The following IMPA2 variants were observed in gnomAD, a reference collection of about 807,000 sequenced individuals.
IMPA2 encodes the protein IMP 2.
A neutral mutation model predicts 35.1 loss-of-function variants in IMPA2; 32 were observed. The observed-to-expected ratio is 0.91, with a 90% CI of 0.69 to 1.23. IMPA2 has a LOEUF of 1.23. Among genes scored for constraint, IMPA2 ranks in the 50% most tolerant of loss-of-function variants. The pLI is 0.00. For synonymous variants in IMPA2, 135 were observed against 160.6 expected (o/e 0.84, Z 1.20); for missense variants, 334 against 387.6 (o/e 0.86, Z 1.16).
At chr18:11,989,137 T>C (rs1906741859) in intron 1 of IMPA2, among the ~76,000 whole-genome samples, 1 of 152,226 alleles carries the variant, frequency 6.6e-6, no homozygotes. Context: ...GAGAGCAGGC[T>C]TGGCCACTGA....
At chr18:11,996,127 G>A (rs1437272494) in intron 1 of IMPA2, among the ~76,000 whole-genome samples, 1 of 152,194 alleles carries the variant, frequency 6.6e-6, no homozygotes, top group Non-Finnish European at 1.5e-5. Flanking sequence ...ATGGGATATG[G>A]TAAGTTGTAG....
At chr18:11,994,024 C>T (rs1235144085) in intron 1 of IMPA2, 1 of 152,206 alleles carries the variant, frequency 6.6e-6, no homozygotes, top group Non-Finnish European at 1.5e-5. Context: ...CAAAGAAAGT[C>T]ATCAGAGAAA....
At chr18:12,005,440 G>A (rs1387744824) in intron 2 of IMPA2, among the ~76,000 whole-genome samples, 1 of 151,744 alleles carries the variant, frequency 6.6e-6, no homozygotes, top group African/African-American at 2.4e-5. Flanking sequence ...AGCCATGATT[G>A]TGCCACTGCA....
intron 5 of IMPA2, among the ~76,000 whole-genome samples, chr18:12,019,420 A>ATTTTTTTTTTTTTTTTTTTT (rs1023606644): frequency 7.5e-6 from 1 of 133,104 alleles, no homozygotes; most frequent in Non-Finnish European, 1.6e-5. Context: ...TGTCCGGCTA[A>ATTTTTTTTTTTTTTTTTTTT]TTTTTTTTTT....
chr18:12,025,520 C>T (rs961159541), intron 5 of IMPA2, among the ~76,000 whole-genome samples: 130 of 152,340 alleles, frequency 8.5e-4, no homozygotes, highest in African/African-American at 2.9e-3. Flanking sequence ...TGCTCCACAT[C>T]CTGGCTGGCA....
chr18:12,003,059 G>A (rs1016921430), intron 2 of IMPA2, among the ~76,000 whole-genome samples: 2 of 151,994 alleles, frequency 1.3e-5, no homozygotes, highest in South Asian at 2.1e-4. Context: ...GCTGGGCATG[G>A]TAGTGCGTGC....
chr18:11,982,579 G>T (rs1453224356), intron 1 of IMPA2, among the ~76,000 whole-genome samples: 2 of 152,148 alleles, frequency 1.3e-5, no homozygotes, highest in Non-Finnish European at 2.9e-5. Context: ...TGGACCACTT[G>T]AGGTCAGGAG....
At position 12,030,408 on chromosome 18, in the gene IMPA2, A is replaced by G. The variant is rs376034152; in HGVS notation, c.817A>G (p.Ile273Val). 5.0e-6 allele frequency: 8 copies of G among 1,614,224 alleles called. No homozygotes were observed. Among genetic ancestry groups the G allele is most frequent in the Non-Finnish European group, 6.8e-6 (8 of 1,180,040 alleles). ...CAGCACCCGGGAGATGGCGATGCTCATAGCTCAGGCCTTACAGACGATTAA... is the reference window on the plus strand; with the variant it reads ...CAGCACCCGGGAGATGGCGATGCTCGTAGCTCAGGCCTTACAGACGATTAA... Reference protein sequence around the residue: ...AASTREMAMLIAQALQTINYG... With the variant: ...AASTREMAMLVAQALQTINYG... Residue 273 changes from isoleucine (I) to valine (V), a missense_variant, in exon 8 of 8, where the codon ATA (isoleucine) becomes GTA (valine). Physicochemically the swap from Ile to Val is conservative, Grantham distance 29. Coordinates refer to ENST00000269159, the MANE Select transcript of IMPA2 (RefSeq NM_014214.3).
chr18:12,004,668 G>T (rs1008116576), intron 2 of IMPA2, among the ~76,000 whole-genome samples: 1 of 152,042 alleles, frequency 6.6e-6, no homozygotes, highest in East Asian at 1.9e-4. Context: ...GGGATTACAG[G>T]CATGCACCAC....
intron 6 of IMPA2, 200 bp downstream of exon 6, chr18:12,028,351 T>C (rs1907941483): frequency 5.3e-6 from 3 of 566,124 alleles, no homozygotes; most frequent in Non-Finnish European, 9.5e-6. Context: ...TGGAGATGCG[T>C]GGGCACCTGT....
At chr18:11,993,898 A>C (rs1906883824) in intron 1 of IMPA2, 1 of 152,238 alleles carries the variant, frequency 6.6e-6, no homozygotes, top group Non-Finnish European at 1.5e-5. Context: ...GATGCAAGAC[A>C]GCAGCCCGAT....
chr18:11,986,631 A>G (rs1382729917), intron 1 of IMPA2, among the ~76,000 whole-genome samples: 3 of 152,134 alleles, frequency 2.0e-5, no homozygotes, highest in Non-Finnish European at 4.4e-5. Context: ...TTTGCTGGTT[A>G]TTCACACCGG....
intron 6 of IMPA2, 102 bp from the exon 7 acceptor site, chr18:12,028,740 C>A: frequency 7.5e-7 from 1 of 1,333,614 alleles, no homozygotes; most frequent in Non-Finnish European, 1.0e-6. Context: ...TCATTTTTCA[C>A]TAGGGAAAAT....
At chr18:11,990,515 G>A (rs1906783685) in intron 1 of IMPA2, among the ~76,000 whole-genome samples, 1 of 152,192 alleles carries the variant, frequency 6.6e-6, no homozygotes. Context: ...TAAAGTTTGA[G>A]GTGGGAGAGG....
rs1015650208 is a variant in IMPA2 at position 11,991,786 on chromosome 18, A to G, written c.97-7268A>G. Among the ~76,000 whole-genome samples, 1 of 152,022 alleles carries G rather than the reference A, an allele frequency of 6.6e-6. No individual in the cohort carries two copies. The highest frequency in any genetic ancestry group is 1.5e-5 in the Non-Finnish European group (1 of 68,008). ...TGTTGGACAAGGCCTGCCCACAGGA[A>G]GGAGAGGGATCTACTTTCCTGATTA... is the stretch of plus-strand genomic sequence containing the variant. On this transcript the variant is annotated intron_variant, in intron 1 of 7. Coordinates refer to ENST00000269159, the MANE Select transcript of IMPA2 (RefSeq NM_014214.3). The surrounding 1 kb of genome is among the most constrained non-coding windows in gnomAD (Gnocchi z 4.1).
At chr18:12,009,280 AAAC>A (rs915857619) in intron 2 of IMPA2, among the ~76,000 whole-genome samples, 3 of 151,584 alleles carry the variant, frequency 2.0e-5, no homozygotes, top group South Asian at 2.1e-4. Context: ...ATCTCTTAAA[AAAC>A]AACAACAAAA....
At chr18:12,028,818 C>T in intron 6 of IMPA2, 24 bp from the exon 7 acceptor site, 1 of 1,610,988 alleles carries the variant, frequency 6.2e-7, no homozygotes, top group Non-Finnish European at 8.5e-7. Context: ...CCGCCTGCAT[C>T]TGTCCTCCCT....
intron 5 of IMPA2, among the ~76,000 whole-genome samples, chr18:12,024,140 C>T (rs558691737): frequency 8.9e-4 from 135 of 152,220 alleles, no homozygotes; most frequent in African/African-American, 2.5e-3. Context: ...GAATAGAGTG[C>T]GGCTGTTAAG....
chr18:11,985,737 A>T (rs539469098), intron 1 of IMPA2, among the ~76,000 whole-genome samples: 1 of 152,228 alleles, frequency 6.6e-6, no homozygotes, highest in African/African-American at 2.4e-5. Flanking sequence ...CGTGATGGAC[A>T]GGGGAGTATG....
Sources: gnomAD v4.1 joint callset for allele counts (sites outside exome capture counted in the v4.1 genomes callset) on GRCh38, gnomAD v4.1.1 for gene constraint, Gnocchi (gnomAD v3.1) non-coding constraint, MANE v1.5 for transcripts, NCBI Gene and HGNC (gene_info 2026-07-23, HGNC 2026-07-21) for gene names.